The following GLT1D1 variants were observed in gnomAD, a reference collection of about 807,000 sequenced individuals.
GLT1D1 encodes glycosyltransferase 1 domain-containing protein 1.
GLT1D1 carries 21 observed loss-of-function variants against 28.7 expected under a neutral mutation model. The observed-to-expected ratio is 0.73, with a 90% CI of 0.52 to 1.05. The LOEUF is 1.05. GLT1D1 is among the 50% of genes least tolerant of loss of function. The pLI is 0.00. For synonymous variants in GLT1D1, 147 were observed against 124.8 expected (o/e 1.18, Z -1.19); for missense variants, 343 against 330.6 (o/e 1.04, Z -0.29).
intron 1 of GLT1D1, among the ~76,000 whole-genome samples, chr12:128,854,526 C>A (rs1295055270): frequency 6.6e-6 from 1 of 151,990 alleles, no homozygotes; most frequent in East Asian, 1.9e-4. Flanking sequence ...GAAATGGAGT[C>A]TCGCTGTGTC....
intron 3 of GLT1D1, among the ~76,000 whole-genome samples, chr12:128,897,849 T>C (rs1219612119): frequency 2.0e-5 from 3 of 151,960 alleles, no homozygotes; most frequent in Non-Finnish European, 4.4e-5. Context: ...TTTGTATTTT[T>C]AGTAGAGACG....
chr12:128,897,100 T>C (rs1480949165), intron 3 of GLT1D1, among the ~76,000 whole-genome samples: 1 of 152,248 alleles, frequency 6.6e-6, no homozygotes, highest in Non-Finnish European at 1.5e-5. Context: ...GCCAATCTTA[T>C]ATGTGATGCA....
chr12:128,952,019 A>T (rs1470169220), intron 6 of GLT1D1, among the ~76,000 whole-genome samples: 1 of 152,054 alleles, frequency 6.6e-6, no homozygotes, highest in Non-Finnish European at 1.5e-5. Flanking sequence ...ATCAAATGGG[A>T]TGAGTGAGTT....
At position 128,909,215 on chromosome 12, in the gene GLT1D1, A is replaced by AAAAAGAAAAG. The variant is rs146404437; in HGVS notation, c.375+9943_375+9952dup. On this transcript the variant is annotated intron_variant, in intron 4 of 7. Coordinates refer to ENST00000281703, the MANE Select transcript of GLT1D1 (RefSeq NM_144669.3). ...AAATGATTAAAGTACTTCCTAGTAAAAAAAGAAAAGAAAAGAAAAGAAAAA... is the reference window on the plus strand; with the variant it reads ...AAATGATTAAAGTACTTCCTAGTAAAAAAAGAAAAGAAAAGAAAAGAAAAGAAAAGAAAAA... Among the ~76,000 whole-genome samples the AAAAAGAAAAG allele has an allele frequency of 1.9e-4, 29 of 151,960 alleles. No individual in the cohort carries two copies. The South Asian group carries it at 2.7e-3, about 14-fold the overall frequency.
intron 7 of GLT1D1, among the ~76,000 whole-genome samples, chr12:128,961,130 G>A (rs1877901645): frequency 6.6e-6 from 1 of 152,202 alleles, no homozygotes; most frequent in Non-Finnish European, 1.5e-5. Context: ...TTATAAAACA[G>A]TATTAGTCAG....
intron 7 of GLT1D1, among the ~76,000 whole-genome samples, chr12:128,960,047 C>G (rs1403497437): frequency 1.3e-5 from 2 of 152,168 alleles, no homozygotes; most frequent in Non-Finnish European, 2.9e-5. Flanking sequence ...AAATCATTAT[C>G]GTGCCGCCGA....
At chr12:128,965,514 A>G (rs1057239719) in intron 7 of GLT1D1, among the ~76,000 whole-genome samples, 5 of 152,246 alleles carry the variant, frequency 3.3e-5, no homozygotes, top group African/African-American at 1.2e-4. Context: ...AGAAACCATG[A>G]GACAATACAT....
At chr12:128,948,152 T>C (rs1285530371) in intron 6 of GLT1D1, among the ~76,000 whole-genome samples, 1 of 152,158 alleles carries the variant, frequency 6.6e-6, no homozygotes, top group Non-Finnish European at 1.5e-5. Flanking sequence ...TAAAAGATCC[T>C]GGCAATCCTC....
intron 1 of GLT1D1, among the ~76,000 whole-genome samples, chr12:128,857,096 C>T (rs984833480): frequency 3.3e-5 from 5 of 152,146 alleles, no homozygotes; most frequent in Non-Finnish European, 7.3e-5. Flanking sequence ...AGCTGTAAAC[C>T]CACATCTTCC....
intron 2 of GLT1D1, among the ~76,000 whole-genome samples, chr12:128,884,984 G>C (rs1307398157): frequency 6.7e-6 from 1 of 149,912 alleles, no homozygotes; most frequent in Non-Finnish European, 1.5e-5. Context: ...CAAACTCCTG[G>C]GGTGGAGCAA....
At chr12:128,920,953 C>T (rs1411329654) in intron 4 of GLT1D1, among the ~76,000 whole-genome samples, 5 of 152,146 alleles carry the variant, frequency 3.3e-5, no homozygotes, top group East Asian at 3.9e-4. Flanking sequence ...CATCAGCAGG[C>T]CAACCTTATT....
In GLT1D1 at chr12:128,963,929, C is replaced by T. The variant is rs149551059; in HGVS notation, c.639+6286C>T. ...GAGCGACACCTGTCTTAGTCTGTTC[C>T]GGCTGCAGTAACAGAATACTATAGA... On this transcript the variant is annotated intron_variant, in intron 7 of 7. Transcript: ENST00000281703. Among the ~76,000 whole-genome samples, 354 of 152,320 alleles carry T rather than the reference C, an allele frequency of 2.3e-3. 2 individuals are homozygous for T. Among genetic ancestry groups the T allele is most frequent in the African/African-American group, 8.0e-3 (331 of 41,584 alleles).
At chr12:128,900,636 CTTTT>C (rs71072419) in intron 4 of GLT1D1, among the ~76,000 whole-genome samples, 1 of 140,516 alleles carries the variant, frequency 7.1e-6, no homozygotes, top group African/African-American at 2.6e-5. Context: ...TAATACCAAA[CTTTT>C]TTTTTTTTTT....
chr12:128,981,482 CAT>C (rs752827755), intron 7 of GLT1D1, among the ~76,000 whole-genome samples: 18 of 147,674 alleles, frequency 1.2e-4, no homozygotes, highest in Non-Finnish European at 2.8e-4. Flanking sequence ...CGGGAATAAA[CAT>C]ATTTTTATTA....
At chr12:128,976,910 C>T (rs1453901261) in intron 7 of GLT1D1, among the ~76,000 whole-genome samples, 1 of 152,094 alleles carries the variant, frequency 6.6e-6, no homozygotes, top group Non-Finnish European at 1.5e-5. Context: ...CTTTGGGAGA[C>T]CAATGAAGGT....
chr12:128,948,633 T>G (rs1358414180), intron 6 of GLT1D1, among the ~76,000 whole-genome samples: 1 of 152,348 alleles, frequency 6.6e-6, no homozygotes, highest in Middle Eastern at 3.4e-3. Context: ...TATGTCAGTG[T>G]CTACTTAGGT....
At chr12:128,949,152 T>C (rs916425460) in intron 6 of GLT1D1, among the ~76,000 whole-genome samples, 4 of 152,262 alleles carry the variant, frequency 2.6e-5, no homozygotes, top group Non-Finnish European at 5.9e-5. Context: ...TATTGTGAAC[T>C]GCTCCTTTGT....
intron 3 of GLT1D1, 50 bp downstream of exon 3, chr12:128,888,794 T>C (rs752365142): frequency 2.0e-5 from 24 of 1,225,390 alleles, no homozygotes; most frequent in African/African-American, 7.6e-5. Flanking sequence ...ACTGTGTGAA[T>C]TGAATTAATT....
intron 1 of GLT1D1, 88 bp downstream of exon 1, chr12:128,853,737 A>C (rs887170465): frequency 1.6e-5 from 14 of 868,222 alleles, no homozygotes; most frequent in Non-Finnish European, 2.0e-5. Context: ...GCGCTCAGCC[A>C]GGCCCCCTCC....
Sources: gnomAD v4.1 joint callset for allele counts (sites outside exome capture counted in the v4.1 genomes callset) on GRCh38, gnomAD v4.1.1 for gene constraint, MANE v1.5 for transcripts, NCBI Gene and HGNC (gene_info 2026-07-23, HGNC 2026-07-21) for gene names.